COL6A6: variants seen among roughly 807,000 people sequenced by gnomAD.
COL6A6 encodes collagen alpha-6(VI) chain.
COL6A6 carries 183 observed loss-of-function variants against 208.6 expected under a neutral mutation model. The ratio of observed to expected loss-of-function variants is 0.88; its 90% CI spans 0.78 to 0.99. The LOEUF (loss-of-function observed/expected upper bound fraction) is 0.99, where lower values mean the gene tolerates loss of function less well. Ranked by LOEUF, COL6A6 falls within the 50% of genes least tolerant of loss-of-function variation. The pLI is 0.00. For synonymous variants in COL6A6, 973 were observed against 1,011.8 expected (o/e 0.96, Z 0.73); for missense variants, 2,816 against 2,815.2 (o/e 1.00, Z -0.01).
Position 130,643,001 on chromosome 3 carries a change from T to G in COL6A6, c.5205T>G (p.Ile1735Met). 1 of 1,613,920 alleles carries G rather than the reference T, an allele frequency of 6.2e-7. No individual in the cohort carries two copies. ...TCGAACTGCAGACATGTGAGCTCAT[T>G]CAGTATGTGCGAGACCGCAGTCGTA... is the stretch of plus-strand genomic sequence containing the variant. The part of the protein sequence containing the change: ...GLASFSTCEL[I>M]QYVRDRSPGR... The change falls in exon 31 of 37, where the codon ATT (isoleucine) becomes ATG (methionine). Residue 1735 changes from isoleucine (I) to methionine (M), a missense_variant. Ile to Met is a conservative substitution (Grantham distance 10). Coordinates refer to ENST00000358511, the MANE Select transcript of COL6A6 (RefSeq NM_001102608.3).
intron 2 of COL6A6, among the ~76,000 whole-genome samples, chr3:130,561,088 T>C (rs2062870829): frequency 6.6e-6 from 1 of 152,236 alleles, no homozygotes; most frequent in South Asian, 2.1e-4. Flanking sequence ...CTCTAAGCCT[T>C]GAGCTTCTCA....
intron 7 of COL6A6, among the ~76,000 whole-genome samples, chr3:130,573,507 A>G (rs772510380): frequency 6.6e-6 from 1 of 151,570 alleles, no homozygotes; most frequent in African/African-American, 2.4e-5. Flanking sequence ...TATTGTGACC[A>G]CATGCTAGCA....
chr3:130,566,637 A>G, intron 4 of COL6A6, 65 bp from the exon 5 acceptor site: 1 of 1,337,756 alleles, frequency 7.5e-7, no homozygotes, highest in Non-Finnish European at 1.0e-6. Flanking sequence ...TCTTCTTTCC[A>G]TGTGCTCTCA....
At position 130,675,757 on chromosome 3, in the gene COL6A6, T is replaced by C; in HGVS notation, c.*360T>C. ...GTCCAGTTCATTTTCTGCAAACCCA[T>C]CCTCCTTTCCTAATTTAGTAATGTC... On this transcript the variant is annotated 3_prime_UTR_variant, in exon 37 of 37. Coordinates refer to ENST00000358511, the MANE Select transcript of COL6A6 (RefSeq NM_001102608.3). The C allele has an allele frequency of 6.1e-6, 1 of 164,900 alleles. No individual in the cohort carries two copies. Among genetic ancestry groups the C allele is most frequent in the East Asian group, 1.7e-4 (1 of 6,004 alleles). The allele number at this position is 164,900 out of a possible 1,614,324, so 10.2% of individuals were successfully genotyped here. A position where few individuals can be genotyped will look rare whatever the true frequency, so the allele number is the denominator to read the frequency against.
At position 130,563,309 on chromosome 3, in the gene COL6A6, C is replaced by A; in HGVS notation, c.306C>A (p.Gly102=). ...TAAGGAAGAACTTTGGATTCATTGG[C>A]GGGTCCCTGCAGATAGGAAAGGCTC... ...NHLRKNFGFI[G]GSLQIGKALQ... The change falls in exon 3 of 37, where the codon GGC becomes GGA. Residue 102 remains glycine, a synonymous_variant. Transcript: ENST00000358511. 6.2e-7 allele frequency: 1 copy of A among 1,613,928 alleles called. No individual in the cohort carries two copies. The highest frequency in any genetic ancestry group is 8.5e-7 in the Non-Finnish European group (1 of 1,179,852).
At chr3:130,528,132 G>C (rs2062003280) in intron 1 of COL6A6, among the ~76,000 whole-genome samples, 1 of 152,022 alleles carries the variant, frequency 6.6e-6, no homozygotes, top group Non-Finnish European at 1.5e-5. Flanking sequence ...AATCTCAGAG[G>C]GAACCTAAGT....
At chr3:130,539,593 A>C (rs576996979) in intron 1 of COL6A6, among the ~76,000 whole-genome samples, 1 of 150,450 alleles carries the variant, frequency 6.6e-6, no homozygotes, top group African/African-American at 2.4e-5. Context: ...AAGTCGCGTC[A>C]CTGCACTCCC....
At position 130,610,511 on chromosome 3, in the gene COL6A6, G is replaced by T. The variant is rs554307811; in HGVS notation, c.4753-138G>T. On this transcript the variant is annotated intron_variant, in intron 22 of 36. Transcript: ENST00000358511. ...GAGAATGAGCTCCACAGGCCAGGAT[G>T]GAAGGAAAGGCATGATTGGAGCTCT... The T allele has an allele frequency of 7.3e-6, 5 of 686,320 alleles. No homozygotes were observed. In the East Asian group the frequency reaches 1.1e-4, roughly 15 times the overall value. The allele number at this position is 686,320 out of a possible 1,614,324, so 42.5% of individuals were successfully genotyped here.
chr3:130,529,829 T>C (rs974366521), intron 1 of COL6A6, among the ~76,000 whole-genome samples: 3 of 152,192 alleles, frequency 2.0e-5, no homozygotes, highest in Non-Finnish European at 4.4e-5. Context: ...CATGACTGCC[T>C]TGTTATTTTA....
intron 33 of COL6A6, among the ~76,000 whole-genome samples, chr3:130,653,838 T>C (rs1036142210): frequency 2.0e-4 from 31 of 151,992 alleles, no homozygotes; most frequent in African/African-American, 7.3e-4. Flanking sequence ...AGTGGGGAGG[T>C]ATTGGGTGAG....
intron 1 of COL6A6, among the ~76,000 whole-genome samples, chr3:130,526,050 C>T (rs780359187): frequency 1.6e-4 from 25 of 151,930 alleles, no homozygotes; most frequent in Non-Finnish European, 3.7e-4. Context: ...GACAAAGTCC[C>T]TGCTCCAAGG....
chr3:130,565,486 A>G lies in COL6A6; in HGVS notation c.1154A>G (p.Gln385Arg). ...LEKIASHPAE[Q>R]YVSKLKTFAD... ...AAGATAGCATCCCACCCTGCTGAGC[A>G]GTATGTCTCCAAACTGAAGACCTTC... The change falls in exon 4 of 37, where the codon CAG becomes CGG. Residue 385 changes from glutamine to arginine, a missense_variant. Physicochemically the swap from Gln to Arg is conservative, Grantham distance 43 (BLOSUM62 1). Transcript: ENST00000358511. The G allele has an allele frequency of 6.2e-7, 1 of 1,614,044 alleles. No individual in the cohort carries two copies. Among genetic ancestry groups the G allele is most frequent in the Non-Finnish European group, 8.5e-7 (1 of 1,179,894 alleles).
intron 11 of COL6A6, among the ~76,000 whole-genome samples, chr3:130,587,607 G>T (rs1387661613): frequency 6.6e-6 from 1 of 152,196 alleles, no homozygotes; most frequent in Non-Finnish European, 1.5e-5. Context: ...AGCAAGCTCT[G>T]TGTGGCTCTA....
chr3:130,516,775 C>G (rs913351750), upstream of COL6A6, among the ~76,000 whole-genome samples: 7 of 152,244 alleles, frequency 4.6e-5, 1 homozygote, highest in African/African-American at 1.7e-4. Context: ...CTCTGGCTCC[C>G]TTGCTAGATC....
intron 1 of COL6A6, among the ~76,000 whole-genome samples, chr3:130,535,728 G>A (rs189188464): frequency 3.9e-5 from 6 of 152,186 alleles, no homozygotes; most frequent in African/African-American, 1.4e-4. Flanking sequence ...CTCAGTTTGG[G>A]ACTCCTGTAC....
chr3:130,616,532 T>A (rs1218948002), intron 23 of COL6A6, among the ~76,000 whole-genome samples: 2 of 145,290 alleles, frequency 1.4e-5, no homozygotes, highest in Non-Finnish European at 3.0e-5. Flanking sequence ...TAAGGTCCTA[T>A]TTTAATTTAA....
intron 11 of COL6A6, among the ~76,000 whole-genome samples, chr3:130,587,690 G>A (rs533934730): frequency 6.6e-6 from 1 of 152,302 alleles, no homozygotes; most frequent in South Asian, 2.1e-4. Context: ...CAGTATATGA[G>A]AACACTTTCC....
At chr3:130,623,201 T>TA (rs527650000) in intron 24 of COL6A6, among the ~76,000 whole-genome samples, 43 of 152,192 alleles carry the variant, frequency 2.8e-4, no homozygotes, top group Non-Finnish European at 5.4e-4. Context: ...CTCACCCCTG[T>TA]AATCCCAGCA....
intron 18 of COL6A6, among the ~76,000 whole-genome samples, chr3:130,596,451 G>T (rs1266260133): frequency 6.6e-6 from 1 of 152,150 alleles, no homozygotes; most frequent in Non-Finnish European, 1.5e-5. Context: ...TATTTTAAAA[G>T]AAATGCTCTA....
Sources: gnomAD v4.1 joint callset for allele counts (sites outside exome capture counted in the v4.1 genomes callset) on GRCh38, gnomAD v4.1.1 for gene constraint, MANE v1.5 for transcripts, NCBI Gene and HGNC (gene_info 2026-07-23, HGNC 2026-07-21) for gene names.